Variants in SEMA4F observed in about 807,000 individuals in gnomAD.
SEMA4F encodes the protein ssemaphorin 4F.
Under a neutral mutation model 78.4 loss-of-function variants are expected in SEMA4F, and 51 were observed. The ratio of observed to expected loss-of-function variants is 0.65; its 90% confidence interval spans 0.52 to 0.82. The LOEUF (loss-of-function observed/expected upper bound fraction) is 0.82, where lower values mean the gene tolerates loss of function less well. Among genes scored for constraint, SEMA4F ranks in the 40% least tolerant of loss-of-function variants. The pLI is 0.00. For synonymous variants in SEMA4F, 418 were observed against 408.7 expected (o/e 1.02, Z -0.27); for missense variants, 938 against 1,014.4 (o/e 0.92, Z 1.02).
intron 11 of SEMA4F, 36 bp downstream of exon 11, chr2:74,675,670 C>T (rs764690168): frequency 6.2e-7 from 1 of 1,611,982 alleles, no homozygotes. Flanking sequence ...ATTGGGGAGA[C>T]ATCTGAGTCC....
At chr2:74,669,446 T>G (rs1684862837) in intron 5 of SEMA4F, among the ~76,000 whole-genome samples, 1 of 150,530 alleles carries the variant, frequency 6.6e-6, no homozygotes. Flanking sequence ...TAGCTGGGTG[T>G]GGTGGGGGGG....
intron 5 of SEMA4F, among the ~76,000 whole-genome samples, chr2:74,667,849 G>A (rs1388544624): frequency 6.6e-6 from 1 of 152,114 alleles, no homozygotes; most frequent in Non-Finnish European, 1.5e-5. Flanking sequence ...TGATCTCAGT[G>A]AGCCCATGGC....
the SEMA4F span, among the ~76,000 whole-genome samples, chr2:74,697,036 T>C: frequency 2.6e-5 from 4 of 152,234 alleles, no homozygotes; most frequent in Non-Finnish European, 5.9e-5. Context: ...CAAAGAGTAA[T>C]TGCATGTGTA....
chr2:74,699,941 G>A, the SEMA4F span, among the ~76,000 whole-genome samples: 11 of 152,240 alleles, frequency 7.2e-5, no homozygotes, highest in South Asian at 6.2e-4. Flanking sequence ...TAGCTGGGAA[G>A]GGGAGTCAAA....
intron 5 of SEMA4F, among the ~76,000 whole-genome samples, chr2:74,672,821 A>G (rs1178810610): frequency 1.3e-5 from 2 of 152,102 alleles, no homozygotes; most frequent in Non-Finnish European, 2.9e-5. Context: ...CTCCTAGGCT[A>G]GTATCTCTCA....
downstream of SEMA4F, among the ~76,000 whole-genome samples, chr2:74,685,370 C>T (rs1485447726): frequency 6.6e-6 from 1 of 152,016 alleles, no homozygotes; most frequent in African/African-American, 2.4e-5. Flanking sequence ...AGTGTTAATG[C>T]CACCAGGATT....
chr2:74,673,627 G>T (rs1685105148), intron 6 of SEMA4F, 50 bp from the exon 7 acceptor site: 1 of 1,613,052 alleles, frequency 6.2e-7, no homozygotes, highest in East Asian at 2.2e-5. Flanking sequence ...GTGGAGTCTG[G>T]GAAGTCCTAG....
At chr2:74,668,290 T>C (rs948386648) in intron 5 of SEMA4F, among the ~76,000 whole-genome samples, 2 of 152,340 alleles carry the variant, frequency 1.3e-5, no homozygotes, top group Non-Finnish European at 1.5e-5. Context: ...ATGTTCCAGA[T>C]GCACTGCATG....
chr2:74,673,505 C>G lies in SEMA4F; in HGVS notation c.599C>G (p.Pro200Arg), dbSNP rs1287924286. Residue 200 changes from proline to arginine, a missense_variant, in exon 6 of 14, where the codon CCA becomes CGA. By Grantham distance (103) the Pro-to-Arg change is moderately radical. Coordinates refer to ENST00000357877, the MANE Select transcript of SEMA4F (RefSeq NM_004263.5). ...GTGAAAAACTACCTGGGGACGGAGCCAATTATCACCAGAGCAGTGGGTCGT... is the reference window on the plus strand; with the variant it reads ...GTGAAAAACTACCTGGGGACGGAGCGAATTATCACCAGAGCAGTGGGTCGT... Reference protein sequence around the residue: ...ATVKNYLGTEPIITRAVGRAE... With the variant: ...ATVKNYLGTERIITRAVGRAE... 21 of 1,614,020 alleles carry G rather than the reference C, an allele frequency of 1.3e-5. No individual in the cohort carries two copies. Among genetic ancestry groups the G allele is most frequent in the Middle Eastern group, 3.3e-4 (2 of 6,084 alleles).
At chr2:74,661,773 T>A (rs575732608) in intron 4 of SEMA4F, among the ~76,000 whole-genome samples, 4 of 152,288 alleles carry the variant, frequency 2.6e-5, no homozygotes, top group African/African-American at 9.6e-5. Context: ...AGTACACTTA[T>A]TTTTCAGGGG....
intron 5 of SEMA4F, among the ~76,000 whole-genome samples, chr2:74,667,508 G>T (rs1458771188): frequency 6.6e-6 from 1 of 152,136 alleles, no homozygotes; most frequent in Non-Finnish European, 1.5e-5. Flanking sequence ...TATATATTTT[G>T]ATTGGCATTT....
intron 8 of SEMA4F, 78 bp from the exon 9 acceptor site, chr2:74,674,810 G>A: frequency 1.3e-6 from 2 of 1,565,750 alleles, no homozygotes; most frequent in Non-Finnish European, 1.7e-6. Flanking sequence ...GTTTCTCGGG[G>A]GTCATCTCAT....
chr2:74,669,991 A>T (rs898311659), intron 5 of SEMA4F, among the ~76,000 whole-genome samples: 1 of 152,128 alleles, frequency 6.6e-6, no homozygotes, highest in Non-Finnish European at 1.5e-5. Flanking sequence ...CTTATTTTTT[A>T]AAAAATAAAA....
the SEMA4F span, among the ~76,000 whole-genome samples, chr2:74,697,111 G>C: frequency 5.3e-5 from 8 of 152,348 alleles, no homozygotes; most frequent in African/African-American, 1.9e-4. Context: ...TCCATGAACA[G>C]AGTAGAAGTG....
At chr2:74,686,726 A>G (rs1030103047), downstream of SEMA4F, among the ~76,000 whole-genome samples, 1 of 152,218 alleles carries the variant, frequency 6.6e-6, no homozygotes, top group African/African-American at 2.4e-5. Context: ...TGTCCTTTGC[A>G]GAGATCTGGA....
chr2:74,701,592 C>T, the SEMA4F span, among the ~76,000 whole-genome samples: 3 of 152,178 alleles, frequency 2.0e-5, no homozygotes, highest in Non-Finnish European at 4.4e-5. Context: ...GTGAGTCCCT[C>T]CCCCAACCTC....
chr2:74,689,522 TAGC>T, the SEMA4F span, among the ~76,000 whole-genome samples: 2 of 152,190 alleles, frequency 1.3e-5, no homozygotes, highest in Non-Finnish European at 2.9e-5. Context: ...TTTAAGGAAA[TAGC>T]AGTATAAGTG....
At chr2:74,677,589 G>A (rs989143491) in intron 12 of SEMA4F, among the ~76,000 whole-genome samples, 4 of 152,202 alleles carry the variant, frequency 2.6e-5, no homozygotes, top group Non-Finnish European at 5.9e-5. Flanking sequence ...TGGTTGATAT[G>A]TTTCTTAAGT....
At position 74,654,401 on chromosome 2, in the gene SEMA4F, C is replaced by T. The variant is rs1257269784; in HGVS notation, c.25C>T (p.Arg9Cys). MPASAARP[R>C]PGPGQPTASP... ...GATGCCGGCCTCTGCTGCGCGGCCC[C>T]GCCCGGGTCCCGGGCAGCCTACAGC... is the stretch of plus-strand genomic sequence containing the variant. Residue 9 changes from arginine to cysteine, a missense_variant, in exon 1 of 14, where the codon CGC (arginine) becomes TGC (cysteine). Transcript: ENST00000357877. The T allele has an allele frequency of 3.3e-6, 5 of 1,528,432 alleles. No homozygotes were observed. In the Admixed American group the frequency reaches 5.9e-5, roughly 18 times the overall value. 94.7% of individuals were successfully genotyped at this position (1,528,432 alleles called of 1,614,324 possible). A position where few individuals can be genotyped will look rare whatever the true frequency, so the allele number is the denominator to read the frequency against.
Sources: gnomAD v4.1 joint callset for allele counts (sites outside exome capture counted in the v4.1 genomes callset) on GRCh38, gnomAD v4.1.1 for gene constraint, MANE v1.5 for transcripts, NCBI Gene and HGNC (gene_info 2026-07-23, HGNC 2026-07-21) for gene names.